ZC3H8: variants seen among roughly 807,000 people sequenced by gnomAD.
The protein encoded by ZC3H8 is zinc finger CCCH-type containing 8.
In ZC3H8, 27 loss-of-function variants were observed where a neutral mutation model predicts 42.5. That is an observed-to-expected ratio of 0.64 (90% CI 0.47 to 0.88). The LOEUF is 0.88. Ranked by LOEUF, ZC3H8 falls within the 40% of genes least tolerant of loss-of-function variation. ZC3H8 has a pLI of 0.00. For synonymous variants in ZC3H8, 101 were observed against 110.1 expected (o/e 0.92, Z 0.52); for missense variants, 277 against 336.1 (o/e 0.82, Z 1.37).
Position 112,233,303 on chromosome 2 carries a change from T to C in ZC3H8, c.690A>G (p.Val230=). Reference sequence around the variant, plus strand: ...TTTCACCTCTGGTACAATATCCTTGTACATAAAACTTACACATTTCCTTTT... The same window carrying C: ...TTTCACCTCTGGTACAATATCCTTGCACATAAAACTTACACATTTCCTTTT... ...EKKKEMCKFY[V]QGYCTRGENC... Residue 230 remains valine (V), a synonymous_variant, in exon 6 of 9, where the codon GTA becomes GTG. Coordinates refer to ENST00000409573, the MANE Select transcript of ZC3H8 (RefSeq NM_032494.3). 6.2e-7 allele frequency: 1 copy of C among 1,601,966 alleles called. No homozygotes were observed. The highest frequency in any genetic ancestry group is 8.5e-7 in the Non-Finnish European group (1 of 1,173,428).
intron 8 of ZC3H8, among the ~76,000 whole-genome samples, chr2:112,217,828 A>T (rs1684396108): frequency 6.6e-6 from 1 of 152,160 alleles, no homozygotes; most frequent in Non-Finnish European, 1.5e-5. Flanking sequence ...TTTCTGAAAA[A>T]GTTCCTGTCA....
chr2:112,231,005 G>A, intron 7 of ZC3H8, 55 bp from the exon 8 acceptor site: 2 of 1,078,638 alleles, frequency 1.9e-6, no homozygotes, highest in Non-Finnish European at 2.4e-6. Context: ...TGTAATTCAG[G>A]TATACTGTCA....
chr2:112,238,903 C>T (rs1275735090), intron 2 of ZC3H8, among the ~76,000 whole-genome samples: 1 of 152,176 alleles, frequency 6.6e-6, no homozygotes, highest in African/African-American at 2.4e-5. Context: ...TCTGCCTTTG[C>T]ATTGACAGTA....
intron 2 of ZC3H8, among the ~76,000 whole-genome samples, chr2:112,244,300 A>G (rs1469529405): frequency 6.6e-6 from 1 of 152,182 alleles, no homozygotes; most frequent in Non-Finnish European, 1.5e-5. Flanking sequence ...ACTATCAACA[A>G]TGAGGTAAAT....
At chr2:112,237,494 T>G (rs1390401787) in intron 3 of ZC3H8, among the ~76,000 whole-genome samples, 2 of 152,224 alleles carry the variant, frequency 1.3e-5, no homozygotes, top group Non-Finnish European at 2.9e-5. Flanking sequence ...CATAGTCTAC[T>G]GGAGCCTCGA....
At chr2:112,237,595 G>C (rs78810385) in intron 3 of ZC3H8, among the ~76,000 whole-genome samples, 2 of 127,540 alleles carry the variant, frequency 1.6e-5, no homozygotes, top group East Asian at 4.5e-4. Flanking sequence ...TTTTTTTTTT[G>C]AGACAGAGTC....
At chr2:112,238,698 T>C in intron 2 of ZC3H8, 170 bp from the exon 3 acceptor site, 2 of 473,122 alleles carry the variant, frequency 4.2e-6, no homozygotes, top group Non-Finnish European at 7.1e-6. Context: ...ATTTCCAGAA[T>C]TAAAAAAAAG....
At chr2:112,218,275 C>T (rs1273545287) in intron 8 of ZC3H8, among the ~76,000 whole-genome samples, 2 of 152,160 alleles carry the variant, frequency 1.3e-5, no homozygotes, top group South Asian at 4.1e-4. Context: ...ATGAACCTCA[C>T]CCCAAAGGCA....
Position 112,234,208 on chromosome 2 carries a change from T to C in ZC3H8, c.533A>G (p.His178Arg). ...EDGKPKEKQQ[H>R]LSQAFINQHT... is the part of the protein sequence containing the mutation. ...TTGGTTGATGAATGCCTGACTCAAA[T>C]GCTGCTGCTTCTCTTTAGGTTTACC... The change falls in exon 5 of 9, where the codon CAT becomes CGT. Residue 178 changes from histidine to arginine, a missense_variant. Coordinates refer to ENST00000409573, the MANE Select transcript of ZC3H8 (RefSeq NM_032494.3). 6.2e-7 allele frequency: 1 copy of C among 1,608,840 alleles called. No individual in the cohort carries two copies. The highest frequency in any genetic ancestry group is 8.5e-7 in the Non-Finnish European group (1 of 1,178,182).
chr2:112,243,816 A>T (rs1367628344), intron 2 of ZC3H8, among the ~76,000 whole-genome samples: 1 of 152,168 alleles, frequency 6.6e-6, no homozygotes, highest in Non-Finnish European at 1.5e-5. Flanking sequence ...CAAAAAAGCA[A>T]GAAAATAACT....
At chr2:112,252,751 G>C (rs889631819) in intron 1 of ZC3H8, among the ~76,000 whole-genome samples, 3 of 151,838 alleles carry the variant, frequency 2.0e-5, no homozygotes, top group African/African-American at 7.3e-5. Flanking sequence ...CCACCCCTCT[G>C]GACTATGAAA....
At chr2:112,230,357 T>G (rs904550418) in intron 8 of ZC3H8, among the ~76,000 whole-genome samples, 3 of 152,198 alleles carry the variant, frequency 2.0e-5, no homozygotes, top group Admixed American at 6.5e-5. Flanking sequence ...GCACATACTG[T>G]GGATAACTTG....
chr2:112,216,048 C>T lies in ZC3H8; in HGVS notation c.*436G>A, dbSNP rs1407762163. The T allele has an allele frequency of 6.6e-6, 1 of 152,130 alleles. No homozygotes were observed. Among genetic ancestry groups the T allele is most frequent in the Non-Finnish European group, 1.5e-5 (1 of 68,028 alleles). The allele number at this position is 152,130 out of a possible 1,614,324, so 9.4% of individuals were successfully genotyped here. A position where few individuals can be genotyped will look rare whatever the true frequency, so the allele number is the denominator to read the frequency against. On this transcript the variant is annotated 3_prime_UTR_variant, in exon 9 of 9. Coordinates refer to ENST00000409573, the MANE Select transcript of ZC3H8 (RefSeq NM_032494.3). ...AAACTATTTAATGTCATAAAGAGAA[C>T]TAACTCTGTTTTTATGGTCCATCTA...
chr2:112,252,870 G>A (rs1048922809), intron 1 of ZC3H8, among the ~76,000 whole-genome samples: 11 of 152,288 alleles, frequency 7.2e-5, no homozygotes, highest in African/African-American at 2.2e-4. Flanking sequence ...CCAGCCGGGC[G>A]CGGTGGCTCA....
chr2:112,230,703 C>A, intron 8 of ZC3H8, 200 bp downstream of exon 8: 1 of 239,368 alleles, frequency 4.2e-6, no homozygotes, highest in Non-Finnish European at 8.1e-6. Context: ...AAAAATATAC[C>A]TGATAGACAA....
At chr2:112,242,462 T>C (rs1482361798) in intron 2 of ZC3H8, among the ~76,000 whole-genome samples, 1 of 152,236 alleles carries the variant, frequency 6.6e-6, no homozygotes, top group Non-Finnish European at 1.5e-5. Flanking sequence ...CATCACTTCG[T>C]AGAGATGCTC....
At chr2:112,238,245 T>C in intron 3 of ZC3H8, 70 bp downstream of exon 3, 2 of 1,454,570 alleles carry the variant, frequency 1.4e-6, no homozygotes, top group Non-Finnish European at 1.9e-6. Flanking sequence ...AAAAATCCTC[T>C]GTCCGTATAT....
chr2:112,219,650 A>AT (rs200148780), intron 8 of ZC3H8, among the ~76,000 whole-genome samples: 57 of 147,398 alleles, frequency 3.9e-4, no homozygotes, highest in East Asian at 2.6e-3. Context: ...GAGTGGGGTG[A>AT]TTTTTTTTTT....
chr2:112,221,221 G>A (rs2104642814), intron 8 of ZC3H8, among the ~76,000 whole-genome samples: 1 of 152,232 alleles, frequency 6.6e-6, no homozygotes, highest in South Asian at 2.1e-4. Flanking sequence ...GTTGAAGGTG[G>A]GGAGGTGACT....
Sources: allele counts gnomAD v4.1 joint callset (sites outside exome capture counted in the v4.1 genomes callset), GRCh38; gene constraint gnomAD v4.1.1; transcripts MANE v1.5; gene names NCBI Gene and HGNC (gene_info 2026-07-23, HGNC 2026-07-21).